The following TENM2 variants were observed in gnomAD, a reference collection of about 807,000 sequenced individuals.
TENM2 encodes teneurin transmembrane protein 2.
In TENM2, 52 loss-of-function variants were observed where a neutral mutation model predicts 245.2. That is an observed-to-expected ratio of 0.21 (90% CI 0.17 to 0.27). The LOEUF (loss-of-function observed/expected upper bound fraction) is 0.27, where lower values mean the gene tolerates loss of function less well. Ranked by LOEUF, TENM2 falls within the 10% of genes least tolerant of loss-of-function variation. The pLI is 1.00. For missense variants in TENM2, 3,046 were observed against 3,666.8 expected (o/e 0.83, Z 4.37); for synonymous variants, 1,363 against 1,438.9 (o/e 0.95, Z 1.19).
At chr5:167,327,190 A>C (rs892556892) in intron 1 of TENM2, among the ~76,000 whole-genome samples, 1 of 151,518 alleles carries the variant, frequency 6.6e-6, no homozygotes, top group Non-Finnish European at 1.5e-5. Flanking sequence ...CGCATCCCAC[A>C]ACAGGCCCCG....
At chr5:168,210,748 T>C (rs1562285088) in intron 19 of TENM2, among the ~76,000 whole-genome samples, 1 of 151,942 alleles carries the variant, frequency 6.6e-6, no homozygotes, top group African/African-American at 2.4e-5. Context: ...CATTAAACTC[T>C]CTTTGTCCCT....
intron 2 of TENM2, among the ~76,000 whole-genome samples, chr5:167,738,060 G>T (rs1760922763): frequency 2.0e-5 from 3 of 152,192 alleles, no homozygotes; most frequent in Admixed American, 6.5e-5. Context: ...TTCTTGTGCT[G>T]ATACTTGTTT....
At chr5:167,270,009 G>A in the TENM2 span, among the ~76,000 whole-genome samples, 1 of 152,084 alleles carries the variant, frequency 6.6e-6, no homozygotes, top group African/African-American at 2.4e-5. Flanking sequence ...TATCATATAT[G>A]TTATCATTTC....
chr5:167,034,715 T>C, the TENM2 span, among the ~76,000 whole-genome samples: 599 of 151,800 alleles, frequency 3.9e-3, 5 homozygotes, highest in African/African-American at 0.014. Flanking sequence ...TTTCCTCCAA[T>C]TGGTTTTTCC....
the TENM2 span, among the ~76,000 whole-genome samples, chr5:167,156,994 T>A: frequency 6.6e-6 from 1 of 152,354 alleles, no homozygotes; most frequent in African/African-American, 2.4e-5. Flanking sequence ...ACATTTTTTT[T>A]AATTTTTATG....
At chr5:168,170,801 T>A (rs1758743410) in intron 13 of TENM2, among the ~76,000 whole-genome samples, 1 of 152,172 alleles carries the variant, frequency 6.6e-6, no homozygotes, top group Non-Finnish European at 1.5e-5. Flanking sequence ...TTTTGGCCAT[T>A]GAAAGCAATT....
chr5:167,922,343 C>T (rs1777435803), intron 3 of TENM2, among the ~76,000 whole-genome samples: 2 of 152,292 alleles, frequency 1.3e-5, no homozygotes, highest in East Asian at 1.9e-4. Flanking sequence ...GAGCAACATC[C>T]TCCAAATTGG....
intron 2 of TENM2, among the ~76,000 whole-genome samples, chr5:167,547,540 G>A (rs1772645517): frequency 6.6e-6 from 1 of 152,188 alleles, no homozygotes; most frequent in Admixed American, 6.5e-5. Context: ...TAATCATAAT[G>A]GAGATTCATG....
At chr5:167,029,612 C>T in the TENM2 span, among the ~76,000 whole-genome samples, 15 of 152,188 alleles carry the variant, frequency 9.9e-5, no homozygotes, top group African/African-American at 9.6e-5. Flanking sequence ...AGGCTAATCT[C>T]GGTTTCATCA....
intron 2 of TENM2, among the ~76,000 whole-genome samples, chr5:167,700,663 T>A (rs1359787139): frequency 6.6e-6 from 1 of 152,144 alleles, no homozygotes; most frequent in Non-Finnish European, 1.5e-5. Flanking sequence ...ATCAGGCTAA[T>A]TTAATCAGCA....
chr5:167,052,632 T>C, the TENM2 span, among the ~76,000 whole-genome samples: 3 of 152,202 alleles, frequency 2.0e-5, no homozygotes. Flanking sequence ...TTCACTTAGA[T>C]TGATTTAATA....
At chr5:167,445,336 TAGAG>T (rs1554154174) in intron 2 of TENM2, among the ~76,000 whole-genome samples, 4 of 77,308 alleles carry the variant, frequency 5.2e-5, no homozygotes, top group African/African-American at 2.2e-4. Flanking sequence ...TATATATATA[TAGAG>T]AGAGAGAGAG....
intron 2 of TENM2, among the ~76,000 whole-genome samples, chr5:167,579,686 G>A (rs1774953614): frequency 6.6e-6 from 1 of 152,160 alleles, no homozygotes; most frequent in African/African-American, 2.4e-5. Flanking sequence ...AATTCTTAAA[G>A]TTAGTATAAA....
chr5:167,476,693 G>A (rs1230679222), intron 2 of TENM2, among the ~76,000 whole-genome samples: 8 of 152,112 alleles, frequency 5.3e-5, no homozygotes, highest in Admixed American at 5.2e-4. Flanking sequence ...CTGCTGCCTG[G>A]ATTCAAGCAA....
At chr5:168,249,453 GGTGTGTGTGT>G (rs3084277) in intron 27 of TENM2, among the ~76,000 whole-genome samples, 12 of 148,866 alleles carry the variant, frequency 8.1e-5, no homozygotes, top group South Asian at 2.1e-4. Context: ...GTTCTCTCAA[GGTGTGTGTGT>G]GTGTGTGTGT....
chr5:167,965,006 A>G (rs2337033), intron 4 of TENM2, among the ~76,000 whole-genome samples: 53,929 of 152,058 alleles, frequency 0.35, 9,743 homozygotes, highest in African/African-American at 0.38. Context: ...AAAGTATGCA[A>G]GACTAAAGGT....
At position 167,336,176 on chromosome 5, in the gene TENM2, CTTTTTTTT is replaced by C. The variant is rs35059289; in HGVS notation, c.227-39005_227-38998del. Among the ~76,000 whole-genome samples the C allele has an allele frequency of 1.1e-3, 94 of 83,100 alleles. 3 individuals are homozygous for C. Among genetic ancestry groups the C allele is most frequent in the Admixed American group, 1.8e-3 (10 of 5,482 alleles). 54.5% of individuals were successfully genotyped at this position (83,100 alleles called of 152,430 possible). On this transcript the variant is annotated intron_variant, in intron 1 of 28. Transcript: ENST00000518659. ...TCATCCAATGTTCTTTTCATTTCTC[CTTTTTTTT>C]TTTTTTTTTTTTTTTTCCGGTCAGG...
At chr5:168,080,578 A>C (rs1427189499) in intron 7 of TENM2, among the ~76,000 whole-genome samples, 1 of 151,644 alleles carries the variant, frequency 6.6e-6, no homozygotes, top group Non-Finnish European at 1.5e-5. Context: ...AGTGCTATAA[A>C]TTTCCCTCTA....
At chr5:167,635,633 C>CTTGTTTTTTTTTTTT in intron 2 of TENM2, among the ~76,000 whole-genome samples, 1 of 74,940 alleles carries the variant, frequency 1.3e-5, no homozygotes, top group African/African-American at 5.9e-5. Flanking sequence ...TCAGTACAGT[C>CTTGTTTTTTTTTTTT]TTTTTTTTTT....
Sources: allele counts gnomAD v4.1 joint callset (sites outside exome capture counted in the v4.1 genomes callset), GRCh38; gene constraint gnomAD v4.1.1; transcripts MANE v1.5; gene names NCBI Gene and HGNC (gene_info 2026-07-23, HGNC 2026-07-21).